RBFOX1: variants seen among roughly 807,000 people sequenced by gnomAD.
RBFOX1 encodes RNA binding fox-1 homolog 1.
In RBFOX1, 8 loss-of-function variants were observed where a neutral mutation model predicts 57.7. The observed-to-expected ratio is 0.14, with a 90% CI of 0.08 to 0.25. The LOEUF (loss-of-function observed/expected upper bound fraction) is 0.25. RBFOX1 is among the 10% of genes least tolerant of loss of function. The pLI, the probability that RBFOX1 is intolerant of heterozygous loss-of-function variation, is 1.00. For synonymous variants in RBFOX1, 326 were observed against 222.4 expected (o/e 1.47, Z -4.15); for missense variants, 611 against 548.5 (o/e 1.11, Z -1.14).
intron 3 of RBFOX1, among the ~76,000 whole-genome samples, chr16:6,845,611 A>G (rs1281440541): frequency 6.6e-6 from 1 of 152,188 alleles, no homozygotes; most frequent in Admixed American, 6.5e-5. Context: ...TAAATCATAC[A>G]TTTTATCAGG....
intron 4 of RBFOX1, among the ~76,000 whole-genome samples, chr16:7,281,509 C>G (rs2095543031): frequency 6.6e-6 from 1 of 152,046 alleles, no homozygotes; most frequent in South Asian, 2.1e-4. Context: ...AAAAGGATTG[C>G]ACACATACAC....
chr16:7,461,195 G>C (rs1352896388), intron 4 of RBFOX1, among the ~76,000 whole-genome samples: 1 of 150,952 alleles, frequency 6.6e-6, no homozygotes, highest in Non-Finnish European at 1.5e-5. Flanking sequence ...TTTTGAGACA[G>C]TCTCACCCTG....
intron 4 of RBFOX1, among the ~76,000 whole-genome samples, chr16:7,087,589 G>T (rs1019891275): frequency 6.6e-6 from 1 of 151,114 alleles, no homozygotes. Context: ...AGGGAGGGAG[G>T]GGGAGAGAGA....
intron 5 of RBFOX1, among the ~76,000 whole-genome samples, chr16:7,562,732 T>C (rs1601871275): frequency 6.6e-6 from 1 of 150,404 alleles, no homozygotes; most frequent in East Asian, 1.9e-4. Context: ...TCTTCCCCAG[T>C]GGGGGAAGGA....
intron 3 of RBFOX1, among the ~76,000 whole-genome samples, chr16:5,716,050 T>C (rs1224850444): frequency 6.6e-6 from 1 of 152,212 alleles, no homozygotes; most frequent in Admixed American, 6.5e-5. Flanking sequence ...TATTTTAAAA[T>C]CACCATTGAT....
intron 4 of RBFOX1, among the ~76,000 whole-genome samples, chr16:5,879,084 A>G (rs2057695025): frequency 6.6e-6 from 1 of 152,200 alleles, no homozygotes; most frequent in African/African-American, 2.4e-5. Context: ...CCAAGTAGAT[A>G]TTGAGTAGAT....
intron 2 of RBFOX1, among the ~76,000 whole-genome samples, chr16:5,558,851 A>G (rs971608730): frequency 7.2e-5 from 11 of 152,176 alleles, no homozygotes; most frequent in African/African-American, 2.7e-4. Context: ...AGGAGTTCTC[A>G]AAGGTCCACG....
At chr16:5,565,956 C>A (rs115672104) in intron 2 of RBFOX1, among the ~76,000 whole-genome samples, 1 of 151,942 alleles carries the variant, frequency 6.6e-6, no homozygotes, top group Non-Finnish European at 1.5e-5. Context: ...GGCAGTTTCC[C>A]CCATAGTGTT....
chr16:6,941,849 C>A (rs575395721), intron 3 of RBFOX1, among the ~76,000 whole-genome samples: 1 of 152,034 alleles, frequency 6.6e-6, no homozygotes, highest in Non-Finnish European at 1.5e-5. Context: ...TAACTCTTTC[C>A]CATCTGGAGT....
intron 3 of RBFOX1, among the ~76,000 whole-genome samples, chr16:5,607,913 A>G (rs7186006): frequency 0.037 from 5,579 of 152,244 alleles, 229 homozygotes; most frequent in African/African-American, 0.11. Flanking sequence ...ATTGGACCAT[A>G]ATGTATCCAT....
At position 7,021,355 on chromosome 16, in the gene RBFOX1, A is replaced by G. The variant is rs979454161; in HGVS notation, c.-15-30702A>G. Among the ~76,000 whole-genome samples, 7 of 146,904 alleles carry G rather than the reference A, an allele frequency of 4.8e-5. 1 individual carries two copies. In the South Asian group the frequency reaches 8.4e-4, roughly 18 times the overall value. The stretch of plus-strand genomic sequence containing the variant: ...ATTTAAAAACATTTTTGAATATTTT[A>G]GTATTTATGTTCTTATATATTTTAA... On this transcript the variant is annotated intron_variant, in intron 3 of 15. Transcript: ENST00000550418.
intron 4 of RBFOX1, among the ~76,000 whole-genome samples, chr16:5,902,565 G>A (rs918550576): frequency 6.6e-6 from 1 of 152,024 alleles, no homozygotes; most frequent in African/African-American, 2.4e-5. Context: ...GCAGGTGCCT[G>A]CCACCATGGC....
At chr16:7,063,350 A>G (rs1388939378) in intron 4 of RBFOX1, among the ~76,000 whole-genome samples, 1 of 152,092 alleles carries the variant, frequency 6.6e-6, no homozygotes, top group African/African-American at 2.4e-5. Flanking sequence ...CTGTATCAGT[A>G]TCAAAGATAT....
At chr16:7,477,399 C>G (rs1322793273) in intron 4 of RBFOX1, among the ~76,000 whole-genome samples, 2 of 152,158 alleles carry the variant, frequency 1.3e-5, no homozygotes, top group Non-Finnish European at 2.9e-5. Context: ...AGAGGGTTTA[C>G]CCGTGGGGGG....
rs567222385 is a variant in RBFOX1 at position 5,742,381 on chromosome 16, C to T, written c.319-124922C>T. Among the ~76,000 whole-genome samples, 4 of 149,070 alleles carry T rather than the reference C, an allele frequency of 2.7e-5. No individual in the cohort carries two copies. The South Asian group carries it at 6.7e-4, about 25-fold the overall frequency. On this transcript the variant is annotated intron_variant, in intron 3 of 19. Transcript: ENST00000641259. ...TCCTTCCTCTCCTTCCTCTCCTTCT[C>T]CAAACCATCAGAAGGTGTTAGAACA...
intron 2 of RBFOX1, among the ~76,000 whole-genome samples, chr16:6,328,843 G>A (rs1028409229): frequency 5.3e-5 from 8 of 152,132 alleles, no homozygotes; most frequent in African/African-American, 1.2e-4. Flanking sequence ...AAAGGGAGTC[G>A]TGATTACTGC....
Position 7,248,435 on chromosome 16 carries a change from G to T in RBFOX1, c.27+196337G>T, listed in dbSNP as rs1337285341. Among the ~76,000 whole-genome samples, 3 of 152,124 alleles carry T rather than the reference G, an allele frequency of 2.0e-5. No homozygotes were observed. The East Asian group carries it at 5.8e-4, about 29-fold the overall frequency. On this transcript the variant is annotated intron_variant, in intron 4 of 15. Coordinates refer to ENST00000550418, the MANE Select transcript of RBFOX1 (RefSeq NM_018723.4). ...AGCTGAGTCCCTTCATATCTTTCCA[G>T]TCATTTGGGGGAAAAGGTAGGATCT... is the stretch of plus-strand genomic sequence containing the variant.
Position 5,825,249 on chromosome 16 carries a change from T to A in RBFOX1, c.319-42054T>A, listed in dbSNP as rs189731402. On this transcript the variant is annotated intron_variant, in intron 3 of 19. Coordinates refer to the RBFOX1 transcript ENST00000641259. ...AATATAGTGATGGAAGGCAGCCCCG[T>A]TGGGGAAGGAATGAGCAGTACCAGG... Among the ~76,000 whole-genome samples the A allele has an allele frequency of 7.9e-5, 12 of 152,318 alleles. No individual in the cohort carries two copies. The East Asian group carries it at 2.1e-3, about 27-fold the overall frequency.
intron 3 of RBFOX1, among the ~76,000 whole-genome samples, chr16:6,952,164 C>G (rs879056442): frequency 3.3e-5 from 5 of 152,124 alleles, no homozygotes; most frequent in Admixed American, 6.5e-5. Flanking sequence ...GTTGTGAAGG[C>G]TCTATGTGGC....
Sources: allele counts gnomAD v4.1 joint callset (sites outside exome capture counted in the v4.1 genomes callset), GRCh38; gene constraint gnomAD v4.1.1; transcripts MANE v1.5; gene names NCBI Gene and HGNC (gene_info 2026-07-23, HGNC 2026-07-21).